PSD3: variants seen among roughly 807,000 people sequenced by gnomAD.
PSD3 encodes the protein pleckstrin and Sec7 domain containing 3, also known as PH and SEC7 domain-containing protein 3.
A neutral mutation model predicts 105.5 loss-of-function variants in PSD3; 49 were observed. The ratio of observed to expected loss-of-function variants is 0.46; its 90% CI spans 0.37 to 0.59. The LOEUF (loss-of-function observed/expected upper bound fraction) is 0.59. Among genes scored for constraint, PSD3 ranks in the 20% least tolerant of loss-of-function variants. The pLI, the probability that PSD3 is intolerant of heterozygous loss-of-function variation, is 0.00. For missense variants in PSD3, 1,561 were observed against 1,263.8 expected, an observed-to-expected ratio of 1.24 and a Z score of -3.57; for synonymous variants, 557 against 457.8, an observed-to-expected ratio of 1.22 and a Z score of -2.77.
At chr8:18,821,797 T>A (rs976992038) in intron 4 of PSD3, among the ~76,000 whole-genome samples, 1 of 129,866 alleles carries the variant, frequency 7.7e-6, no homozygotes, top group Non-Finnish European at 1.6e-5. Context: ...TGATTTTAAG[T>A]CATAATTTAG....
At position 18,700,027 on chromosome 8, in the gene PSD3, G is replaced by T. The variant is rs531164819; in HGVS notation, c.2173-44342C>A. ...CAATAAAATTCCTGGGAAAAAATTG[G>T]TAATGTGAGGCTTCCTCATTTGCAA... On this transcript the variant is annotated intron_variant, in intron 9 of 15. Transcript: ENST00000327040. Among the ~76,000 whole-genome samples the T allele has an allele frequency of 1.4e-3, 214 of 152,292 alleles. 1 individual carries two copies. Among genetic ancestry groups the T allele is most frequent in the Non-Finnish European group, 2.5e-3 (167 of 68,012 alleles).
At chr8:18,553,720 T>G (rs1800911604) in intron 15 of PSD3, among the ~76,000 whole-genome samples, 1 of 152,178 alleles carries the variant, frequency 6.6e-6, no homozygotes, top group Non-Finnish European at 1.5e-5. Context: ...AATGTTAATT[T>G]AAATTACTGA....
intron 9 of PSD3, among the ~76,000 whole-genome samples, chr8:18,739,103 T>C (rs775081270): frequency 4.6e-5 from 7 of 152,276 alleles, no homozygotes; most frequent in South Asian, 2.1e-4. Flanking sequence ...AAGGCACATA[T>C]GGAAAACTAG....
chr8:18,839,399 G>C (rs1372896301), intron 4 of PSD3, among the ~76,000 whole-genome samples: 3 of 152,146 alleles, frequency 2.0e-5, no homozygotes, highest in Non-Finnish European at 4.4e-5. Context: ...AGTTTGCCTT[G>C]TAAAAGATCT....
At chr8:18,659,683 T>C (rs1467285726) in intron 9 of PSD3, among the ~76,000 whole-genome samples, 1 of 152,224 alleles carries the variant, frequency 6.6e-6, no homozygotes, top group Non-Finnish European at 1.5e-5. Flanking sequence ...TCTTAAAAGA[T>C]GAGCTTTAAA....
chr8:18,559,158 A>G (rs1801248180), intron 14 of PSD3, among the ~76,000 whole-genome samples: 1 of 152,082 alleles, frequency 6.6e-6, no homozygotes. Context: ...AAGTGTTGGC[A>G]TTTCTGGGTT....
intron 9 of PSD3, among the ~76,000 whole-genome samples, chr8:18,657,658 AGAG>A (rs1809002081): frequency 6.7e-6 from 1 of 149,764 alleles, no homozygotes; most frequent in Non-Finnish European, 1.5e-5. Context: ...AAGTGCAGAG[AGAG>A]TTGAAAACTG....
intron 8 of PSD3, among the ~76,000 whole-genome samples, chr8:18,782,834 A>G (rs1359078558): frequency 1.3e-5 from 2 of 152,232 alleles, no homozygotes; most frequent in African/African-American, 4.8e-5. Context: ...CGAGCATCCA[A>G]GTGGCACGCA....
At chr8:18,764,983 A>C (rs1299067137) in intron 9 of PSD3, among the ~76,000 whole-genome samples, 1 of 152,208 alleles carries the variant, frequency 6.6e-6, no homozygotes, top group Non-Finnish European at 1.5e-5. Flanking sequence ...GCCAAATGCA[A>C]ATAATTCAGG....
chr8:18,926,104 G>T (rs1821343281), intron 2 of PSD3, among the ~76,000 whole-genome samples: 1 of 145,864 alleles, frequency 6.9e-6, no homozygotes, highest in Non-Finnish European at 1.5e-5. Context: ...CCATATTAAT[G>T]GTATGTTGTT....
At chr8:18,708,698 G>A (rs1172604671) in intron 9 of PSD3, among the ~76,000 whole-genome samples, 3 of 152,014 alleles carry the variant, frequency 2.0e-5, no homozygotes, top group East Asian at 1.9e-4. Context: ...GGTCAAGATG[G>A]CCTACTAGAA....
chr8:19,057,975 A>T (rs113640544), intron 1 of PSD3, among the ~76,000 whole-genome samples: 17 of 152,262 alleles, frequency 1.1e-4, no homozygotes, highest in African/African-American at 4.1e-4. Context: ...TTCACACAAA[A>T]ACCTCTACAG....
intron 1 of PSD3, among the ~76,000 whole-genome samples, chr8:18,966,729 G>A (rs559639155): frequency 1.1e-4 from 16 of 152,198 alleles, no homozygotes; most frequent in Admixed American, 3.3e-4. Context: ...AGGACGCAAC[G>A]TTTCCGGACC....
intron 9 of PSD3, among the ~76,000 whole-genome samples, chr8:18,741,996 A>T (rs1178205909): frequency 1.3e-5 from 2 of 152,148 alleles, no homozygotes; most frequent in African/African-American, 4.8e-5. Context: ...CAGGATGAAA[A>T]ATGTATAAAA....
chr8:18,559,315 G>C (rs1039312870), intron 14 of PSD3, among the ~76,000 whole-genome samples: 1 of 152,100 alleles, frequency 6.6e-6, no homozygotes, highest in African/African-American at 2.4e-5. Flanking sequence ...TAATTTCATA[G>C]GTAAGAAATG....
chr8:19,083,427 A>C (rs1049829638), intron 1 of PSD3, among the ~76,000 whole-genome samples: 2 of 152,216 alleles, frequency 1.3e-5, no homozygotes, highest in Non-Finnish European at 2.9e-5. Flanking sequence ...CAGAGCCCGT[A>C]GAGCTGGAAA....
intron 1 of PSD3, among the ~76,000 whole-genome samples, chr8:19,028,598 A>T (rs1356619417): frequency 6.6e-6 from 1 of 152,118 alleles, no homozygotes; most frequent in Non-Finnish European, 1.5e-5. Flanking sequence ...CAATTTATGT[A>T]TCAGATATGT....
intron 9 of PSD3, among the ~76,000 whole-genome samples, chr8:18,743,415 T>C (rs147263021): frequency 2.1e-4 from 32 of 152,140 alleles, no homozygotes; most frequent in African/African-American, 7.5e-4. Flanking sequence ...CTTTAGAAAA[T>C]GTTCGAGCAT....
At chr8:18,618,023 T>G (rs1476904702) in intron 11 of PSD3, among the ~76,000 whole-genome samples, 1 of 152,166 alleles carries the variant, frequency 6.6e-6, no homozygotes, top group Non-Finnish European at 1.5e-5. Context: ...GTAAGAGACA[T>G]TTGACATCTA....
Sources: allele counts gnomAD v4.1 joint callset (sites outside exome capture counted in the v4.1 genomes callset), GRCh38; gene constraint gnomAD v4.1.1; transcripts MANE v1.5; gene names NCBI Gene and HGNC (gene_info 2026-07-23, HGNC 2026-07-21).